ABLIM3: variants seen among roughly 807,000 people sequenced by gnomAD.
The protein encoded by ABLIM3 is actin-binding LIM protein 3.
A neutral mutation model predicts 109.5 loss-of-function variants in ABLIM3; 61 were observed. The ratio of observed to expected loss-of-function variants is 0.56; its 90% confidence interval spans 0.45 to 0.69. The LOEUF is 0.69. ABLIM3 is among the 30% of genes least tolerant of loss of function. The pLI is 0.00. For synonymous variants in ABLIM3, 300 were observed against 324.8 expected, an observed-to-expected ratio of 0.92 and a Z score of 0.82; for missense variants, 796 against 889.5, an observed-to-expected ratio of 0.89 and a Z score of 1.34.
Position 149,237,458 on chromosome 5 carries a change from A to G in ABLIM3, c.899A>G (p.Asp300Gly), listed in dbSNP as rs1752316882. The change falls in exon 11 of 24, where the codon GAT becomes GGT. Residue 300 changes from aspartate to glycine, a missense_variant. Physicochemically the swap from Asp to Gly is moderately conservative, Grantham distance 94 (BLOSUM62 -1). Transcript: ENST00000309868. ...SPNRVICAKV[D>G]NEILNYKDLA... ...TTCCCTCTTCCCTAGGCTAAAGTGG[A>G]TAATGAGATCCTTAATTACAAAGAC... The G allele has an allele frequency of 6.2e-7, 1 of 1,614,090 alleles. No homozygotes were observed. The highest frequency in any genetic ancestry group is 2.2e-5 in the East Asian group (1 of 44,880).
In ABLIM3 at chr5:149,190,968, A is replaced by G. The variant is rs1372219439; in HGVS notation, c.152-7251A>G. Among the ~76,000 whole-genome samples the G allele has an allele frequency of 2.0e-5, 3 of 152,196 alleles. No individual in the cohort carries two copies. In the East Asian group the frequency reaches 5.8e-4, roughly 29 times the overall value. The stretch of plus-strand genomic sequence containing the variant: ...TAGTTTAAAGTGGTACTCAGAGGAA[A>G]ATGTGTAGCCTTAAATTATCATAAT... On this transcript the variant is annotated intron_variant, in intron 3 of 23. Transcript: ENST00000309868.
intron 2 of ABLIM3, among the ~76,000 whole-genome samples, chr5:149,165,496 A>G (rs1478663529): frequency 1.3e-5 from 2 of 152,226 alleles, no homozygotes; most frequent in South Asian, 2.1e-4. Context: ...TTGTATTAGT[A>G]AGAACTCTTA....
intron 2 of ABLIM3, among the ~76,000 whole-genome samples, chr5:149,171,661 G>A (rs1755446543): frequency 6.6e-6 from 1 of 152,224 alleles, no homozygotes; most frequent in Admixed American, 6.5e-5. Flanking sequence ...GACAGCTTGT[G>A]TATGGAACAT....
At chr5:149,224,084 T>C (rs1391946870) in intron 8 of ABLIM3, among the ~76,000 whole-genome samples, 2 of 152,174 alleles carry the variant, frequency 1.3e-5, no homozygotes, top group African/African-American at 4.8e-5. Flanking sequence ...GCATATATAC[T>C]CAATAAATGG....
At position 149,198,449 on chromosome 5, in the gene ABLIM3, G is replaced by A. The variant is rs199957988; in HGVS notation, c.335+47G>A. On this transcript the variant is annotated intron_variant, in intron 4 of 23. Coordinates refer to ENST00000309868, the MANE Select transcript of ABLIM3 (RefSeq NM_014945.5). The surrounding 1 kb of genome is among the most constrained non-coding windows in gnomAD (Gnocchi z 4.2). ...CCTGGGACCCTCTGCATAAGCCCCC[G>A]GGGCAGGGGAAGACCTGGCTTTTTC... The A allele has an allele frequency of 1.0e-4, 161 of 1,535,448 alleles. No homozygotes were observed. The highest frequency in any genetic ancestry group is 4.6e-4 in the African/African-American group (33 of 72,486).
At chr5:149,192,916 A>G (rs988934304) in intron 3 of ABLIM3, among the ~76,000 whole-genome samples, 2 of 152,172 alleles carry the variant, frequency 1.3e-5, no homozygotes, top group African/African-American at 4.8e-5. Context: ...GTTAATCAAC[A>G]CCATAGGGAT....
intron 2 of ABLIM3, among the ~76,000 whole-genome samples, chr5:149,143,215 T>G (rs577468820): frequency 6.6e-6 from 1 of 151,718 alleles, no homozygotes; most frequent in South Asian, 2.1e-4. Context: ...ACACAAAAAT[T>G]AGCCAGGTGT....
chr5:149,238,778 C>T (rs1354698057), intron 11 of ABLIM3, among the ~76,000 whole-genome samples: 1 of 152,224 alleles, frequency 6.6e-6, no homozygotes, highest in Non-Finnish European at 1.5e-5. Flanking sequence ...GCACCAGCCA[C>T]CAGCTCAACT....
rs938501568 is a variant in ABLIM3, at chr5:149,252,482, C to T, written c.1857+274C>T. 22 of 548,258 alleles carry T rather than the reference C, an allele frequency of 4.0e-5. 1 individual carries two copies. The highest frequency in any genetic ancestry group is 4.7e-4 in the Middle Eastern group (1 of 2,116). The allele number at this position is 548,258 out of a possible 1,614,324, so 34.0% of individuals were successfully genotyped here. On this transcript the variant is annotated intron_variant, in intron 22 of 23. Coordinates refer to ENST00000309868, the MANE Select transcript of ABLIM3 (RefSeq NM_014945.5). ...TCACCAAATATTAGACACTTACATT[C>T]GGGAGGTCATGTGCCCATATTATTC...
chr5:149,168,917 C>T (rs1755082121), intron 2 of ABLIM3, among the ~76,000 whole-genome samples: 2 of 152,066 alleles, frequency 1.3e-5, no homozygotes, highest in Non-Finnish European at 2.9e-5. Flanking sequence ...AATGTAAAGC[C>T]CAATTCAGTA....
chr5:149,151,848 T>C (rs1386643066), intron 2 of ABLIM3, among the ~76,000 whole-genome samples: 1 of 152,250 alleles, frequency 6.6e-6, no homozygotes, highest in Non-Finnish European at 1.5e-5. Flanking sequence ...ATTGGATTGT[T>C]CATTTGTTTA....
chr5:149,229,621 G>A (rs10055328), intron 8 of ABLIM3, among the ~76,000 whole-genome samples: 6,910 of 152,334 alleles, frequency 0.045, 494 homozygotes, highest in African/African-American at 0.15. Context: ...ATATCCTAGA[G>A]ACAAAGTCAG....
chr5:149,146,300 C>A (rs775388579), intron 2 of ABLIM3, among the ~76,000 whole-genome samples: 1 of 152,166 alleles, frequency 6.6e-6, no homozygotes, highest in Non-Finnish European at 1.5e-5. Flanking sequence ...TTTTGCAGTG[C>A]AGAAACTCTT....
At chr5:149,175,114 A>G (rs1163305068) in intron 2 of ABLIM3, among the ~76,000 whole-genome samples, 1 of 152,224 alleles carries the variant, frequency 6.6e-6, no homozygotes, top group Non-Finnish European at 1.5e-5. Context: ...AAATGCCCAG[A>G]CTGGTAGACA....
chr5:149,245,458 A>G (rs1196993482), intron 16 of ABLIM3, among the ~76,000 whole-genome samples: 2 of 152,222 alleles, frequency 1.3e-5, no homozygotes, highest in South Asian at 2.1e-4. Context: ...AGGAAAGAAA[A>G]GGCTGTCCAC....
At chr5:149,164,625 G>A (rs138493348) in intron 2 of ABLIM3, among the ~76,000 whole-genome samples, 178 of 152,162 alleles carry the variant, frequency 1.2e-3, no homozygotes, top group African/African-American at 3.9e-3. Flanking sequence ...ATGCATACTC[G>A]TTTGAGAATG....
intron 3 of ABLIM3, among the ~76,000 whole-genome samples, chr5:149,187,001 A>T (rs1263502205): frequency 6.6e-6 from 1 of 152,144 alleles, no homozygotes; most frequent in African/African-American, 2.4e-5. Flanking sequence ...AAAATTAATA[A>T]AACAGAAGAT....
At chr5:149,147,415 A>G (rs1753036060) in intron 2 of ABLIM3, among the ~76,000 whole-genome samples, 1 of 152,090 alleles carries the variant, frequency 6.6e-6, no homozygotes, top group Non-Finnish European at 1.5e-5. Flanking sequence ...AATAAACCCT[A>G]CTTGATATGG....
chr5:149,228,129 T>TA (rs1440604678), intron 8 of ABLIM3, among the ~76,000 whole-genome samples: 1 of 152,236 alleles, frequency 6.6e-6, no homozygotes, highest in Non-Finnish European at 1.5e-5. Context: ...AATGTGTACT[T>TA]AAACACTTTT....
Sources: allele counts gnomAD v4.1 joint callset (sites outside exome capture counted in the v4.1 genomes callset), GRCh38; gene constraint gnomAD v4.1.1; non-coding constraint Gnocchi (gnomAD v3.1); transcripts MANE v1.5; gene names NCBI Gene and HGNC (gene_info 2026-07-23, HGNC 2026-07-21).